The following PDE4B variants were observed in gnomAD, a reference collection of about 807,000 sequenced individuals.
The protein encoded by PDE4B is phosphodiesterase 4B, also known as 3',5'-cyclic-AMP phosphodiesterase 4B.
PDE4B carries 20 observed loss-of-function variants against 82.2 expected under a neutral mutation model. The observed-to-expected ratio is 0.24, with a 90% CI of 0.17 to 0.35. The LOEUF is 0.35. PDE4B is among the 10% of genes least tolerant of loss of function. PDE4B has a pLI of 1.00. For missense variants in PDE4B, 655 were observed against 907.2 expected, an observed-to-expected ratio of 0.72 and a Z score of 3.57; for synonymous variants, 320 against 318.9, an observed-to-expected ratio of 1.00 and a Z score of -0.04.
chr1:66,170,301 G>T (rs1368156915), intron 3 of PDE4B, among the ~76,000 whole-genome samples: 1 of 152,084 alleles, frequency 6.6e-6, no homozygotes. Context: ...AAAATGTTTA[G>T]GGAAAATACT....
chr1:65,899,659 T>A (rs1293104786), intron 1 of PDE4B, among the ~76,000 whole-genome samples: 1 of 148,140 alleles, frequency 6.8e-6, no homozygotes, highest in Non-Finnish European at 1.5e-5. Flanking sequence ...ATATTATATA[T>A]ATTCCATTTT....
intron 1 of PDE4B, among the ~76,000 whole-genome samples, chr1:65,882,457 T>A (rs1224626382): frequency 6.6e-6 from 1 of 152,168 alleles, no homozygotes; most frequent in Non-Finnish European, 1.5e-5. Flanking sequence ...GTGTAAGAAC[T>A]TTTTTTCTCA....
chr1:66,204,549 A>G (rs1412084387), intron 3 of PDE4B, among the ~76,000 whole-genome samples: 1 of 151,736 alleles, frequency 6.6e-6, no homozygotes, highest in Admixed American at 6.6e-5. Flanking sequence ...GGGCAATGGC[A>G]GGTGCCCCTC....
At chr1:66,211,419 C>T (rs1650039071) in intron 3 of PDE4B, among the ~76,000 whole-genome samples, 1 of 152,134 alleles carries the variant, frequency 6.6e-6, no homozygotes. Flanking sequence ...TAGACAGAAG[C>T]AATAAGGACT....
chr1:65,873,016 T>G (rs998121771), intron 1 of PDE4B, among the ~76,000 whole-genome samples: 6 of 152,286 alleles, frequency 3.9e-5, no homozygotes, highest in Non-Finnish European at 7.3e-5. Context: ...TAGGGACTAC[T>G]ATGTGCCGAG....
intron 3 of PDE4B, among the ~76,000 whole-genome samples, chr1:65,988,368 C>A (rs891967660): frequency 3.3e-5 from 5 of 152,014 alleles, no homozygotes; most frequent in African/African-American, 4.8e-5. Context: ...TTGGGGGTTG[C>A]TGTAGTTATA....
chr1:65,949,578 T>C (rs1648889383), intron 3 of PDE4B, among the ~76,000 whole-genome samples: 1 of 152,108 alleles, frequency 6.6e-6, no homozygotes, highest in Admixed American at 6.6e-5. Flanking sequence ...TTCCTGATGG[T>C]AACATGTTAT....
intron 1 of PDE4B, among the ~76,000 whole-genome samples, chr1:65,848,763 G>A (rs2101378645): frequency 6.6e-6 from 1 of 152,180 alleles, no homozygotes; most frequent in East Asian, 1.9e-4. Flanking sequence ...GTTGATATAT[G>A]ACAAATCATT....
intron 13 of PDE4B, among the ~76,000 whole-genome samples, chr1:66,366,568 C>G (rs1274681213): frequency 6.6e-6 from 1 of 152,186 alleles, no homozygotes; most frequent in Non-Finnish European, 1.5e-5. Flanking sequence ...GAGTCCTGAT[C>G]ATCAGTCCTT....
chr1:66,218,270 C>T (rs1245902224), intron 3 of PDE4B, among the ~76,000 whole-genome samples: 2 of 152,050 alleles, frequency 1.3e-5, no homozygotes, highest in African/African-American at 2.4e-5. Context: ...AATGCAGTGA[C>T]AGAGAGGGCC....
At chr1:66,187,106 G>A (rs1045431013) in intron 3 of PDE4B, among the ~76,000 whole-genome samples, 114 of 152,232 alleles carry the variant, frequency 7.5e-4, no homozygotes, top group Admixed American at 3.2e-3. Flanking sequence ...AGTTTTGGTC[G>A]TTGGTTCTGT....
At position 65,795,027 on chromosome 1, in the gene PDE4B, T is replaced by C. The variant is rs114318768; in HGVS notation, c.-71+1779T>C. ...TTCAAAATAGGACTGTTTTTTGATT[T>C]GAGGAATAAGAAATCAATCATACAT... On this transcript the variant is annotated intron_variant, in intron 1 of 16. Coordinates refer to ENST00000341517, the MANE Select transcript of PDE4B (RefSeq NM_002600.4). Among the ~76,000 whole-genome samples, 339 of 152,324 alleles carry C rather than the reference T, an allele frequency of 2.2e-3. 1 individual carries two copies. Among genetic ancestry groups the C allele is most frequent in the African/African-American group, 7.7e-3 (321 of 41,574 alleles).
chr1:66,279,284 G>A (rs1386059390), intron 7 of PDE4B, among the ~76,000 whole-genome samples: 1 of 152,032 alleles, frequency 6.6e-6, no homozygotes, highest in Non-Finnish European at 1.5e-5. Flanking sequence ...CACTCCTTAA[G>A]CTAAAATTTT....
intron 3 of PDE4B, among the ~76,000 whole-genome samples, chr1:66,023,885 A>G (rs559272705): frequency 3.4e-4 from 51 of 152,090 alleles, no homozygotes; most frequent in African/African-American, 1.2e-3. Flanking sequence ...TGTTTCTTAT[A>G]TTAGTACTTC....
chr1:65,884,596 A>G (rs1370333839), intron 1 of PDE4B, among the ~76,000 whole-genome samples: 3 of 152,196 alleles, frequency 2.0e-5, no homozygotes, highest in Non-Finnish European at 4.4e-5. Context: ...CCTGACAAAA[A>G]CAAGGAATGG....
chr1:66,176,545 C>T (rs1242329811), intron 3 of PDE4B, among the ~76,000 whole-genome samples: 1 of 152,132 alleles, frequency 6.6e-6, no homozygotes, highest in Non-Finnish European at 1.5e-5. Context: ...AATATAAGTG[C>T]AGATTATAGC....
At chr1:66,234,087 T>A (rs1652206201) in intron 3 of PDE4B, among the ~76,000 whole-genome samples, 3 of 152,326 alleles carry the variant, frequency 2.0e-5, no homozygotes, top group African/African-American at 7.2e-5. Flanking sequence ...TATAATTTTT[T>A]AAATATTTCG....
intron 7 of PDE4B, among the ~76,000 whole-genome samples, chr1:66,316,198 G>C (rs1659016068): frequency 6.6e-6 from 1 of 152,146 alleles, no homozygotes; most frequent in Non-Finnish European, 1.5e-5. Flanking sequence ...ATCTCAAAAT[G>C]TCTGCTGTAT....
intron 3 of PDE4B, among the ~76,000 whole-genome samples, chr1:65,943,853 AC>A (rs1276308981): frequency 2.6e-5 from 4 of 152,028 alleles, no homozygotes; most frequent in African/African-American, 9.7e-5. Flanking sequence ...CTGAAACTTT[AC>A]CGAATTTTGT....
Sources: gnomAD v4.1 joint callset for allele counts (sites outside exome capture counted in the v4.1 genomes callset) on GRCh38, gnomAD v4.1.1 for gene constraint, MANE v1.5 for transcripts, NCBI Gene and HGNC (gene_info 2026-07-23, HGNC 2026-07-21) for gene names.